The following LINGO1 variants were observed in gnomAD, a reference collection of about 807,000 sequenced individuals.
LINGO1 encodes leucine rich repeat and Ig domain containing 1.
LINGO1 carries 11 observed loss-of-function variants against 37.3 expected under a neutral mutation model. The ratio of observed to expected loss-of-function variants is 0.29; its 90% CI spans 0.19 to 0.49. LINGO1 has a LOEUF of 0.49. Among genes scored for constraint, LINGO1 ranks in the 20% least tolerant of loss-of-function variants. LINGO1 has a pLI of 0.99. For missense variants in LINGO1, 585 were observed against 878.2 expected, an observed-to-expected ratio of 0.67 and a Z score of 4.22; for synonymous variants, 387 against 403.0, an observed-to-expected ratio of 0.96 and a Z score of 0.48.
intron 1 of LINGO1, among the ~76,000 whole-genome samples, chr15:77,813,142 T>TA (rs2077019556): frequency 6.6e-6 from 1 of 152,088 alleles, no homozygotes; most frequent in Non-Finnish European, 1.5e-5. Flanking sequence ...ACACAGTAAA[T>TA]AATAAATGTT....
intron 1 of LINGO1, among the ~76,000 whole-genome samples, chr15:77,781,293 G>A (rs562285434): frequency 7.9e-5 from 12 of 152,286 alleles, no homozygotes; most frequent in African/African-American, 2.4e-4. Context: ...CAGCCAGGCC[G>A]GAGCCAGCCA....
chr15:77,623,123 C>T (rs914821073), intron 1 of LINGO1, among the ~76,000 whole-genome samples: 4 of 152,236 alleles, frequency 2.6e-5, no homozygotes, highest in African/African-American at 4.8e-5. Flanking sequence ...GGGCAGGACT[C>T]GCACTCTGCT....
At chr15:77,671,463 G>A (rs1442246571) in intron 3 of LINGO1, among the ~76,000 whole-genome samples, 1 of 152,220 alleles carries the variant, frequency 6.6e-6, no homozygotes, top group African/African-American at 2.4e-5. Context: ...CAGTGATGAC[G>A]CAGTTGGGCA....
rs746440438 is a variant in LINGO1, at chr15:77,615,941, G to A, written c.7-41C>T. The A allele has an allele frequency of 1.9e-5, 27 of 1,401,566 alleles. No homozygotes were observed. In the Middle Eastern group the frequency reaches 2.1e-3, roughly 111 times the overall value. 86.8% of individuals were successfully genotyped at this position (1,401,566 alleles called of 1,614,324 possible). A position where few individuals can be genotyped will look rare whatever the true frequency, so the allele number is the denominator to read the frequency against. On this transcript the variant is annotated intron_variant, in intron 1 of 1. Coordinates refer to ENST00000355300, the MANE Select transcript of LINGO1 (RefSeq NM_032808.7). ...AGCACAGGACAGAGGTGGCGGTTAG[G>A]GGGCAGTGTGTGTCTGGATGCCACC...
At chr15:77,646,324 T>A in intron 3 of LINGO1, 2 of 379,088 alleles carry the variant, frequency 5.3e-6, no homozygotes, top group South Asian at 4.0e-5. Context: ...CGGACCTACA[T>A]GGAGGCGCCT....
chr15:77,740,623 AC>A (rs1464355583), intron 1 of LINGO1, among the ~76,000 whole-genome samples: 1 of 152,044 alleles, frequency 6.6e-6, no homozygotes, highest in African/African-American at 2.4e-5. Flanking sequence ...AACTGGAAGC[AC>A]CCTCAGGAGG....
At chr15:77,770,471 C>T (rs999257200) in intron 1 of LINGO1, among the ~76,000 whole-genome samples, 4 of 151,572 alleles carry the variant, frequency 2.6e-5, no homozygotes, top group Non-Finnish European at 5.9e-5. Context: ...CCTGTAATTC[C>T]AGCTACTCAG....
intron 3 of LINGO1, chr15:77,647,923 T>C (rs1033619644): frequency 1.3e-5 from 6 of 456,468 alleles, no homozygotes; most frequent in Admixed American, 2.3e-5. Flanking sequence ...CCCTTCTCTA[T>C]GAAAATTGGT....
chr15:77,790,655 C>A (rs973094309), upstream of LINGO1, among the ~76,000 whole-genome samples: 10 of 152,170 alleles, frequency 6.6e-5, no homozygotes, highest in Non-Finnish European at 1.2e-4. Flanking sequence ...TCCACCAAGC[C>A]ACAGACATTG....
intron 1 of LINGO1, among the ~76,000 whole-genome samples, chr15:77,627,757 C>G (rs983134767): frequency 1.3e-5 from 2 of 152,192 alleles, no homozygotes; most frequent in African/African-American, 4.8e-5. Context: ...TTTGTTTGCA[C>G]TAAACATGCA....
chr15:77,627,335 GGGAGCT>G (rs1157672263), intron 1 of LINGO1, among the ~76,000 whole-genome samples: 1 of 152,116 alleles, frequency 6.6e-6, no homozygotes, highest in African/African-American at 2.4e-5. Context: ...GGCTGGCAAA[GGGAGCT>G]GCTCCAAATT....
chr15:77,624,783 C>G (rs976187010), intron 1 of LINGO1, among the ~76,000 whole-genome samples: 1 of 152,044 alleles, frequency 6.6e-6, no homozygotes. Context: ...TTGCCCAGTA[C>G]CCCCAGTTGG....
intron 1 of LINGO1, among the ~76,000 whole-genome samples, chr15:77,737,994 G>T (rs2076219960): frequency 6.6e-6 from 1 of 152,062 alleles, no homozygotes; most frequent in Non-Finnish European, 1.5e-5. Context: ...TGTCATCTCC[G>T]CTTGCTCATC....
chr15:77,801,277 G>A (rs192914286), intron 1 of LINGO1, among the ~76,000 whole-genome samples: 195 of 152,300 alleles, frequency 1.3e-3, no homozygotes, highest in African/African-American at 4.6e-3. Flanking sequence ...AACGTTTATC[G>A]ATAAGAGAAA....
At chr15:77,729,267 G>C in intron 2 of LINGO1, among the ~76,000 whole-genome samples, 1 of 152,228 alleles carries the variant, frequency 6.6e-6, no homozygotes. Flanking sequence ...AGCCCCAAGG[G>C]CTGAGCTAGG....
In LINGO1 at chr15:77,683,907, G is replaced by A. The variant is rs78963415; in HGVS notation, c.-98-6733C>T. On this transcript the variant is annotated intron_variant, in intron 2 of 3. Coordinates refer to the LINGO1 transcript ENST00000559893. ...CAGGACAAAGTTCAAATTCCCTGGC[G>A]TGGCACCCTAGGACCCTGAGGACAC... 5.1e-3 allele frequency among the ~76,000 whole-genome samples: 780 copies of A among 151,534 alleles called. 6 individuals carry two copies. Among genetic ancestry groups the A allele is most frequent in the African/African-American group, 0.018 (747 of 41,282 alleles).
intron 3 of LINGO1, chr15:77,648,056 A>G: frequency 2.5e-6 from 1 of 396,842 alleles, no homozygotes; most frequent in South Asian, 1.9e-5. Context: ...GACAGCAGCC[A>G]CAGGGAGAGG....
At chr15:77,786,118 C>G (rs564079741) in intron 1 of LINGO1, among the ~76,000 whole-genome samples, 132 of 152,242 alleles carry the variant, frequency 8.7e-4, no homozygotes, top group African/African-American at 3.1e-3. Context: ...GGAACCAGCA[C>G]CACCAAACAG....
intron 3 of LINGO1, chr15:77,641,955 T>TG: frequency 2.2e-6 from 1 of 456,658 alleles, no homozygotes; most frequent in Non-Finnish European, 4.4e-6. Context: ...GGAGTGGTCT[T>TG]GGGTAAGTCA....
Sources: allele counts gnomAD v4.1 joint callset (sites outside exome capture counted in the v4.1 genomes callset), GRCh38; gene constraint gnomAD v4.1.1; transcripts MANE v1.5; gene names NCBI Gene and HGNC (gene_info 2026-07-23, HGNC 2026-07-21).